The following PLCL1 variants were observed in gnomAD, a reference collection of about 807,000 sequenced individuals.
PLCL1 encodes inactive phospholipase C-like protein 1.
PLCL1 carries 41 observed loss-of-function variants against 84.4 expected under a neutral mutation model. The observed-to-expected ratio is 0.49, with a 90% CI of 0.38 to 0.63. The LOEUF (loss-of-function observed/expected upper bound fraction) is 0.63, where lower values mean the gene tolerates loss of function less well. Among genes scored for constraint, PLCL1 ranks in the 30% least tolerant of loss-of-function variants. PLCL1 has a pLI of 0.00. For synonymous variants in PLCL1, 490 were observed against 488.3 expected (o/e 1.00, Z -0.05); for missense variants, 1,206 against 1,367.8 (o/e 0.88, Z 1.87).
In PLCL1 at chr2:198,084,577, T is replaced by G. The variant is rs1333207455; in HGVS notation, c.1060T>G (p.Leu354Val). The G allele has an allele frequency of 6.2e-7, 1 of 1,613,708 alleles. No individual in the cohort carries two copies. Among genetic ancestry groups the G allele is most frequent in the Non-Finnish European group, 8.5e-7 (1 of 1,179,724 alleles). ...GVTHITEDIC[L>V]DIIRRYELSE... ...CACCCATATCACCGAGGATATATGCTTAGACATCATAAGGAGATACGAACT... is the reference window on the plus strand; with the variant it reads ...CACCCATATCACCGAGGATATATGCGTAGACATCATAAGGAGATACGAACT... The change falls in exon 2 of 6, where the codon TTA becomes GTA. Residue 354 changes from leucine to valine, a missense_variant. Physicochemically the swap from Leu to Val is conservative, Grantham distance 32. Transcript: ENST00000428675.
In PLCL1 at chr2:197,983,200, C is replaced by CTTTTTTTTTTTTTTTTTTTTTTTTT. The variant is rs760577848; in HGVS notation, c.241-100543_241-100519dup. On this transcript the variant is annotated intron_variant, in intron 1 of 5. Transcript: ENST00000428675. ...TTTCTTTTTCTTTTTCTTTTCTTTT[C>CTTTTTTTTTTTTTTTTTTTTTTTTT]TTTTTTTTTTTTTTTTTTTTTTTTT... Among the ~76,000 whole-genome samples, 14 of 60,284 alleles carry CTTTTTTTTTTTTTTTTTTTTTTTTT rather than the reference C, an allele frequency of 2.3e-4. 2 individuals are homozygous for CTTTTTTTTTTTTTTTTTTTTTTTTT. The highest frequency in any genetic ancestry group is 3.3e-4 in the Non-Finnish European group (11 of 33,148). The allele number at this position is 60,284 out of a possible 152,430, so 39.5% of individuals were successfully genotyped here.
At chr2:197,976,252 A>G (rs1689977899) in intron 1 of PLCL1, among the ~76,000 whole-genome samples, 1 of 152,046 alleles carries the variant, frequency 6.6e-6, no homozygotes, top group Non-Finnish European at 1.5e-5. Flanking sequence ...TATCCTGTGT[A>G]CCACACTTCT....
intron 1 of PLCL1, among the ~76,000 whole-genome samples, chr2:197,906,386 A>G (rs1394667880): frequency 6.7e-6 from 1 of 148,796 alleles, no homozygotes; most frequent in Non-Finnish European, 1.5e-5. Context: ...GTGTGGTGTT[A>G]TTTCTGAGTT....
intron 5 of PLCL1, among the ~76,000 whole-genome samples, chr2:198,114,649 A>T (rs1171818863): frequency 6.6e-6 from 1 of 151,832 alleles, no homozygotes; most frequent in Non-Finnish European, 1.5e-5. Flanking sequence ...AAATTGTTTC[A>T]TTCTGGTTCC....
At chr2:197,913,003 A>G (rs1336107136) in intron 1 of PLCL1, among the ~76,000 whole-genome samples, 1 of 152,166 alleles carries the variant, frequency 6.6e-6, no homozygotes, top group African/African-American at 2.4e-5. Flanking sequence ...CTTATGCTGG[A>G]TCTTCAAATT....
Position 197,819,648 on chromosome 2 carries a change from G to A in PLCL1, c.240+14309G>A, listed in dbSNP as rs542870013. Reference sequence around the variant, plus strand: ...GTCTACTATCACTCCCATTCTTTCAGAGAATCATTAAAATGAGATTATTTG... The same window carrying A: ...GTCTACTATCACTCCCATTCTTTCAAAGAATCATTAAAATGAGATTATTTG... On this transcript the variant is annotated intron_variant, in intron 1 of 5. Coordinates refer to ENST00000428675, the MANE Select transcript of PLCL1 (RefSeq NM_006226.4). 2.6e-5 allele frequency among the ~76,000 whole-genome samples: 4 copies of A among 152,144 alleles called. No individual in the cohort carries two copies. The East Asian group carries it at 7.7e-4, about 29-fold the overall frequency.
chr2:197,912,811 G>A (rs1212718241), intron 1 of PLCL1, among the ~76,000 whole-genome samples: 1 of 89,802 alleles, frequency 1.1e-5, no homozygotes, highest in Non-Finnish European at 2.2e-5. Context: ...GGGGGTGGGG[G>A]GAGGGGGGAG....
intron 1 of PLCL1, among the ~76,000 whole-genome samples, chr2:197,863,061 A>G (rs187016388): frequency 0.028 from 4,177 of 147,930 alleles, 70 homozygotes; most frequent in Non-Finnish European, 0.042. Context: ...CGGTTGTTAG[A>G]AAAGGATATT....
At chr2:197,924,025 C>T (rs1688781354) in intron 1 of PLCL1, among the ~76,000 whole-genome samples, 1 of 149,588 alleles carries the variant, frequency 6.7e-6, no homozygotes, top group African/African-American at 2.4e-5. Flanking sequence ...CGCGTGCCTG[C>T]AATCGCAGGC....
chr2:197,983,074 C>T (rs1033322316), intron 1 of PLCL1, among the ~76,000 whole-genome samples: 1 of 151,820 alleles, frequency 6.6e-6, no homozygotes, highest in African/African-American at 2.4e-5. Flanking sequence ...TTTCCTTCCC[C>T]TTTATCCCTG....
intron 1 of PLCL1, among the ~76,000 whole-genome samples, chr2:198,029,593 C>T (rs1462434260): frequency 6.6e-6 from 1 of 152,104 alleles, no homozygotes; most frequent in Non-Finnish European, 1.5e-5. Context: ...CTTGGCATCA[C>T]CAAATGGGAG....
intron 1 of PLCL1, among the ~76,000 whole-genome samples, chr2:197,960,063 T>C (rs530228224): frequency 1.3e-5 from 2 of 152,244 alleles, no homozygotes; most frequent in Middle Eastern, 3.4e-3. Context: ...TATCTCTTCA[T>C]TGTGAGTGTG....
chr2:197,892,881 G>C lies in PLCL1; in HGVS notation c.240+87542G>C, dbSNP rs1339977379. ...GTGGTGGCACGCGCCTGTAGTCCCA[G>C]CTACTCAGGAGGCTGAGGCAGGAGA... On this transcript the variant is annotated intron_variant, in intron 1 of 5. Coordinates refer to ENST00000428675, the MANE Select transcript of PLCL1 (RefSeq NM_006226.4). Among the ~76,000 whole-genome samples, 3 of 152,258 alleles carry C rather than the reference G, an allele frequency of 2.0e-5. No homozygotes were observed. In the East Asian group the frequency reaches 5.8e-4, roughly 29 times the overall value.
rs576080726 is a variant in PLCL1 at position 197,869,212 on chromosome 2, G to T, written c.240+63873G>T. On this transcript the variant is annotated intron_variant, in intron 1 of 5. Coordinates refer to ENST00000428675, the MANE Select transcript of PLCL1 (RefSeq NM_006226.4). Reference sequence around the variant, plus strand: ...GTAACTGAGTTTGAATTAAAACCAGGACTGTCCGATTTAAAGGCCCTATTG... The same window carrying T: ...GTAACTGAGTTTGAATTAAAACCAGTACTGTCCGATTTAAAGGCCCTATTG... Among the ~76,000 whole-genome samples, 34 of 152,198 alleles carry T rather than the reference G, an allele frequency of 2.2e-4. No individual in the cohort carries two copies. In the South Asian group the frequency reaches 7.0e-3, roughly 32 times the overall value.
intron 1 of PLCL1, among the ~76,000 whole-genome samples, chr2:198,071,191 A>T (rs1018095511): frequency 2.6e-5 from 4 of 151,594 alleles, no homozygotes. Context: ...GCTGTATAGG[A>T]TCCTGTTACA....
At chr2:198,041,752 G>A (rs577051088) in intron 1 of PLCL1, among the ~76,000 whole-genome samples, 1 of 152,218 alleles carries the variant, frequency 6.6e-6, no homozygotes, top group African/African-American at 2.4e-5. Flanking sequence ...TGAATAGGTC[G>A]GATACGAACA....
intron 1 of PLCL1, among the ~76,000 whole-genome samples, chr2:197,856,646 G>A (rs566596443): frequency 6.6e-6 from 1 of 152,268 alleles, no homozygotes; most frequent in South Asian, 2.1e-4. Context: ...TTACTTGGAA[G>A]TTGAAGAATT....
At chr2:198,029,047 C>CA (rs1490807436) in intron 1 of PLCL1, among the ~76,000 whole-genome samples, 2 of 152,118 alleles carry the variant, frequency 1.3e-5, no homozygotes, top group Non-Finnish European at 2.9e-5. Context: ...CACAGCATAT[C>CA]AGTGGAGAAG....
chr2:198,111,660 T>C (rs1368486814), intron 5 of PLCL1, among the ~76,000 whole-genome samples: 1 of 151,862 alleles, frequency 6.6e-6, no homozygotes, highest in Admixed American at 6.6e-5. Flanking sequence ...TTTACTCTTA[T>C]TATACCCATT....
Sources: gnomAD v4.1 joint callset for allele counts (sites outside exome capture counted in the v4.1 genomes callset) on GRCh38, gnomAD v4.1.1 for gene constraint, MANE v1.5 for transcripts, NCBI Gene and HGNC (gene_info 2026-07-23, HGNC 2026-07-21) for gene names.